Variants in WBP2NL observed in about 807,000 individuals in gnomAD.
WBP2NL encodes the protein postacrosomal sheath WW domain-binding protein.
A neutral mutation model predicts 23.3 loss-of-function variants in WBP2NL; 27 were observed. The ratio of observed to expected loss-of-function variants is 1.16; its 90% CI spans 0.85 to 1.60. The LOEUF (loss-of-function observed/expected upper bound fraction) is 1.60, where lower values mean the gene tolerates loss of function less well. WBP2NL is among the 40% of genes most tolerant of loss of function. The pLI, the probability that WBP2NL is intolerant of heterozygous loss-of-function variation, is 0.00. For missense variants in WBP2NL, 370 were observed against 389.5 expected, an observed-to-expected ratio of 0.95 and a Z score of 0.42; for synonymous variants, 151 against 145.9, an observed-to-expected ratio of 1.03 and a Z score of -0.25.
At chr22:42,026,294 T>G (rs1277600661) in intron 5 of WBP2NL, among the ~76,000 whole-genome samples, 2 of 147,402 alleles carry the variant, frequency 1.4e-5, no homozygotes, top group Non-Finnish European at 3.0e-5. Flanking sequence ...ATAATAATAA[T>G]AATAATAATA....
chr22:42,025,553 C>G (rs1169086465), intron 5 of WBP2NL, among the ~76,000 whole-genome samples: 1 of 152,130 alleles, frequency 6.6e-6, no homozygotes, highest in Non-Finnish European at 1.5e-5. Flanking sequence ...CCAGTTGTCC[C>G]AGAATCATTT....
At position 42,008,036 on chromosome 22, in the gene WBP2NL, C is replaced by T. The variant is rs906529066; in HGVS notation, c.62+9156C>T. Among the ~76,000 whole-genome samples the T allele has an allele frequency of 7.2e-5, 11 of 151,964 alleles. No individual in the cohort carries two copies. The South Asian group carries it at 1.0e-3, about 14-fold the overall frequency. ...TTCTAGCAACAGTGCACAAGAGTTC[C>T]GGTTTCTCCACATCCTCACCAACAC... On this transcript the variant is annotated intron_variant, in intron 1 of 5. Transcript: ENST00000328823.
intron 1 of WBP2NL, among the ~76,000 whole-genome samples, chr22:42,015,542 A>G (rs371757009): frequency 2.0e-5 from 3 of 152,026 alleles, no homozygotes; most frequent in East Asian, 3.9e-4. Flanking sequence ...AGCTGGGATT[A>G]TAGGCGCCCA....
In WBP2NL at chr22:42,041,481, TAAAAAAAA is replaced by T. The variant is rs35848343; in HGVS notation, c.*273+10674_*273+10681del. On this transcript the variant is annotated intron_variant and NMD_transcript_variant, in intron 8 of 8. Transcript: ENST00000436265. ...TGGCAACAGGGCGAGGTTCTGTCTT[TAAAAAAAA>T]AAAAAAAAAAAAAAAGTCTGTTTTG... Among the ~76,000 whole-genome samples the T allele has an allele frequency of 5.3e-5, 6 of 112,826 alleles. No individual in the cohort carries two copies. The Admixed American group carries it at 5.5e-4, about 10-fold the overall frequency. 74.0% of individuals were successfully genotyped at this position (112,826 alleles called of 152,430 possible).
At chr22:42,001,753 C>T (rs555615142) in intron 1 of WBP2NL, 25 of 1,193,780 alleles carry the variant, frequency 2.1e-5, no homozygotes, top group African/African-American at 1.5e-4. Flanking sequence ...GCCAGGTTAC[C>T]GCACCAGGAC....
At chr22:42,042,550 T>C (rs1925434973) in intron 8 of WBP2NL, among the ~76,000 whole-genome samples, 1 of 152,218 alleles carries the variant, frequency 6.6e-6, no homozygotes. Flanking sequence ...CATTCTTGTA[T>C]TCTTTTCCTG....
chr22:42,005,986 TA>T (rs1300044190), intron 1 of WBP2NL, among the ~76,000 whole-genome samples: 1 of 152,190 alleles, frequency 6.6e-6, no homozygotes, highest in East Asian at 1.9e-4. Flanking sequence ...GCATTTTCTT[TA>T]TTGACTTTCT....
At position 42,027,284 on chromosome 22, in the gene WBP2NL, G is replaced by T. The variant is rs1304438008; in HGVS notation, c.*103G>T. ...TCAGGTATGTGATCACAGGCTTCTC[G>T]CAGGTAGTTGTTCCACCCTTTGGAA... On this transcript the variant is annotated 3_prime_UTR_variant, in exon 6 of 6. Transcript: ENST00000328823. The T allele has an allele frequency of 2.1e-6, 3 of 1,416,468 alleles. No homozygotes were observed. Among genetic ancestry groups the T allele is most frequent in the Non-Finnish European group, 2.8e-6 (3 of 1,068,176 alleles). 87.7% of individuals were successfully genotyped at this position (1,416,468 alleles called of 1,614,324 possible).
At chr22:42,039,823 CTCTAATTTTTCTTATTTCTGT>C (rs1223660079) in intron 8 of WBP2NL, among the ~76,000 whole-genome samples, 1 of 151,012 alleles carries the variant, frequency 6.6e-6, no homozygotes, top group Non-Finnish European at 1.5e-5. Context: ...TTTATTTCTG[CTCTAATTTTTCTTATTTCTGT>C]CCTTCTGCTA....
intron 5 of WBP2NL, among the ~76,000 whole-genome samples, chr22:42,024,696 T>G (rs1278929093): frequency 1.3e-5 from 2 of 152,158 alleles, no homozygotes; most frequent in Non-Finnish European, 2.9e-5. Flanking sequence ...TGCTTGTCTT[T>G]TTGTTGTTGA....
rs572262029 is a variant in WBP2NL, at chr22:42,005,604, C to G, written c.62+6724C>G. ...GGAAAAAATTCATCTTGTTCATGCC[C>G]TAATTGAAGAGAATTCATGATTGAC... On this transcript the variant is annotated intron_variant, in intron 1 of 5. Transcript: ENST00000328823. Among the ~76,000 whole-genome samples the G allele has an allele frequency of 7.2e-5, 11 of 152,290 alleles. No homozygotes were observed. In the South Asian group the frequency reaches 2.3e-3, roughly 32 times the overall value.
At chr22:42,001,220 A>G in intron 1 of WBP2NL, 1 of 716,252 alleles carries the variant, frequency 1.4e-6, no homozygotes, top group African/African-American at 1.8e-5. Flanking sequence ...TGTGTACATG[A>G]TGTCAGTTCC....
downstream of WBP2NL, chr22:42,032,521 G>A: frequency 4.0e-6 from 1 of 250,924 alleles, no homozygotes; most frequent in Non-Finnish European, 8.3e-6. Context: ...TGTTGACTTG[G>A]CTTTCCTTGC....
intron 2 of WBP2NL, 88 bp from the exon 3 acceptor site, chr22:42,019,574 A>G (rs1923688873): frequency 6.4e-7 from 1 of 1,568,566 alleles, no homozygotes. Context: ...GATGTTTCTC[A>G]GTTAGACCAG....
At chr22:42,011,149 A>G (rs920763853) in intron 1 of WBP2NL, among the ~76,000 whole-genome samples, 2 of 152,230 alleles carry the variant, frequency 1.3e-5, no homozygotes, top group African/African-American at 2.4e-5. Flanking sequence ...GGCCTCATAA[A>G]GTAAGCCTAG....
chr22:42,025,038 A>G (rs923492928), intron 5 of WBP2NL, among the ~76,000 whole-genome samples: 32 of 152,196 alleles, frequency 2.1e-4, no homozygotes, highest in African/African-American at 7.7e-4. Context: ...CCTGAGCTCA[A>G]ATGATCTGCC....
At chr22:42,058,023 T>G (rs1037663097) in intron 8 of WBP2NL, among the ~76,000 whole-genome samples, 1 of 145,196 alleles carries the variant, frequency 6.9e-6, no homozygotes, top group African/African-American at 2.6e-5. Flanking sequence ...ATCACGCTGT[T>G]CTCCTGCCTC....
intron 1 of WBP2NL, among the ~76,000 whole-genome samples, chr22:42,005,254 C>G (rs1376588981): frequency 2.0e-5 from 3 of 151,346 alleles, no homozygotes; most frequent in Non-Finnish European, 4.4e-5. Context: ...TGGCTCACGC[C>G]TGTAATCCCA....
intron 8 of WBP2NL, among the ~76,000 whole-genome samples, chr22:42,054,108 A>G (rs965161052): frequency 6.6e-6 from 1 of 151,884 alleles, no homozygotes; most frequent in African/African-American, 2.4e-5. Flanking sequence ...AATTTTCTGG[A>G]TAGTATACTT....
Sources: allele counts gnomAD v4.1 joint callset (sites outside exome capture counted in the v4.1 genomes callset), GRCh38; gene constraint gnomAD v4.1.1; transcripts MANE v1.5; gene names NCBI Gene and HGNC (gene_info 2026-07-23, HGNC 2026-07-21).